Variants in BRF1 observed in about 807,000 individuals in gnomAD.
The protein encoded by BRF1 is BRF1 general transcription factor IIIB subunit, also known as transcription factor IIIB 90 kDa subunit.
Under a neutral mutation model 81.7 loss-of-function variants are expected in BRF1, and 59 were observed. The ratio of observed to expected loss-of-function variants is 0.72; its 90% CI spans 0.59 to 0.90. BRF1 has a LOEUF of 0.90. Among genes scored for constraint, BRF1 ranks in the 40% least tolerant of loss-of-function variants. The probability of loss-of-function intolerance (pLI) is 0.00; values close to 1 mark genes in which losing one functional copy is unlikely to be tolerated. For synonymous variants in BRF1, 491 were observed against 395.6 expected, an observed-to-expected ratio of 1.24 and a Z score of -2.86; for missense variants, 1,050 against 936.3, an observed-to-expected ratio of 1.12 and a Z score of -1.58.
chr14:105,256,694 A>C, intron 3 of BRF1, 145 bp from the exon 4 acceptor site: 5 of 1,366,130 alleles, frequency 3.7e-6, no homozygotes, highest in Non-Finnish European at 4.9e-6. Context: ...TCAGGAAGGA[A>C]AGGTGGTATG....
chr14:105,253,640 C>T (rs1042888347), intron 4 of BRF1, among the ~76,000 whole-genome samples: 5 of 152,240 alleles, frequency 3.3e-5, no homozygotes, highest in African/African-American at 7.2e-5. Context: ...CCAGAGGCAG[C>T]GCTTGTGGGG....
intron 1 of BRF1, among the ~76,000 whole-genome samples, chr14:105,287,329 C>T (rs1485285294): frequency 6.6e-6 from 1 of 152,234 alleles, no homozygotes; most frequent in African/African-American, 2.4e-5. Flanking sequence ...GGTTCACCAA[C>T]CCAAACGCTG....
rs1890000153 is a variant in BRF1 at position 105,210,819 on chromosome 14, C to T, written c.1997-231G>A. Among the ~76,000 whole-genome samples the T allele has an allele frequency of 6.6e-6, 1 of 152,142 alleles. No homozygotes were observed. Among genetic ancestry groups the T allele is most frequent in the African/African-American group, 2.4e-5 (1 of 41,402 alleles). On this transcript the variant is annotated intron_variant, in intron 17 of 17. Coordinates refer to ENST00000547530, the MANE Select transcript of BRF1 (RefSeq NM_001519.4). This position sits in a 1 kb window ranked among gnomAD's most constrained non-coding sequence, Gnocchi z 4.7. ...CGAGGGCACCTGAGAGCAGTGTGGG[C>T]TCCCTCAGCCTCCCTCCCTGGGTGT...
At chr14:105,226,495 G>T in intron 8 of BRF1, 139 bp downstream of exon 8, 1 of 1,504,946 alleles carries the variant, frequency 6.6e-7, no homozygotes, top group Non-Finnish European at 8.9e-7. Context: ...GGAGCCTCGG[G>T]CTCTGGCTGG....
chr14:105,228,788 T>G (rs1035645143), intron 7 of BRF1, 32 bp downstream of exon 7: 3 of 1,611,220 alleles, frequency 1.9e-6, no homozygotes, highest in Non-Finnish European at 2.5e-6. Flanking sequence ...AGCCTCTGTG[T>G]GGTCCCCATG....
intron 4 of BRF1, among the ~76,000 whole-genome samples, chr14:105,253,172 C>T (rs145091082): frequency 2.6e-4 from 40 of 152,338 alleles, no homozygotes; most frequent in African/African-American, 9.1e-4. Flanking sequence ...ATGGGAGCAC[C>T]GCTGCTTGTC....
chr14:105,307,215 A>G (rs920106101), intron 1 of BRF1, among the ~76,000 whole-genome samples: 1 of 151,722 alleles, frequency 6.6e-6, no homozygotes, highest in Admixed American at 6.6e-5. Flanking sequence ...GGCTGAGCAT[A>G]CCTTTGATAT....
At position 105,217,612 on chromosome 14, in the gene BRF1, C is replaced by A. The variant is rs1891549058; in HGVS notation, c.1704G>T (p.Arg568Ser). The A allele has an allele frequency of 5.0e-6, 8 of 1,613,444 alleles. No individual in the cohort carries two copies. Among genetic ancestry groups the A allele is most frequent in the Non-Finnish European group, 6.8e-6 (8 of 1,180,014 alleles). The change falls in exon 15 of 18, where the codon AGG becomes AGT. Residue 568 changes from arginine to serine, a missense_variant. Arg to Ser is a moderately radical substitution (Grantham distance 110). Around this residue, in one of 2 missense-constraint regions of BRF1, gnomAD observed 1,043 missense variants for 915.4 expected, o/e 1.14. Coordinates refer to ENST00000547530, the MANE Select transcript of BRF1 (RefSeq NM_001519.4). ...CCGGCGTCCTCCTTCGTGACAGCTT[C>A]CTGGCACTGGCGCTATGCTCGGGCT... ...DAQPEHSASARKLSRRRTPAS... is the reference protein window; with the variant it reads ...DAQPEHSASASKLSRRRTPAS...
intron 1 of BRF1, chr14:105,314,410 G>A (rs964099099): frequency 3.3e-4 from 50 of 150,612 alleles, no homozygotes; most frequent in African/African-American, 1.1e-3. Flanking sequence ...AGCTGGCCGG[G>A]ACCCGGTGGA....
chr14:105,216,168 CAGAG>C (rs747179019), intron 15 of BRF1, among the ~76,000 whole-genome samples: 2 of 152,168 alleles, frequency 1.3e-5, no homozygotes, highest in Non-Finnish European at 2.9e-5. Context: ...TATACACACA[CAGAG>C]AGACACACAT....
intron 1 of BRF1, among the ~76,000 whole-genome samples, chr14:105,288,203 C>T (rs895354374): frequency 1.3e-5 from 2 of 152,182 alleles, no homozygotes; most frequent in African/African-American, 4.8e-5. Context: ...GCTTGTAATC[C>T]CGGCACTTTG....
intron 5 of BRF1, chr14:105,249,047 C>T: frequency 7.8e-7 from 1 of 1,281,146 alleles, no homozygotes; most frequent in Non-Finnish European, 9.8e-7. Context: ...ACCAGGAGAG[C>T]CCCGGCTGGC....
In BRF1 at chr14:105,212,122, G is replaced by A. The variant is rs1890215795; in HGVS notation, c.1815C>T (p.Ala605=). 6.2e-7 allele frequency: 1 copy of A among 1,612,814 alleles called. No individual in the cohort carries two copies. The change falls in exon 16 of 18, where the codon GCC becomes GCT. Residue 605 remains alanine, a synonymous_variant. Transcript: ENST00000547530. The stretch of plus-strand genomic sequence containing the variant: ...GCGTGGGACAACACACCTCTCCCGT[G>A]GCCACCTTCTTTGCTGGCTGCGTAG... ...LVSTQPAKKV[A]TGEALLPSSP...
chr14:105,267,465 AT>A lies in BRF1; in HGVS notation c.439+5255del, dbSNP rs113422074. Among the ~76,000 whole-genome samples, 1,070 of 147,308 alleles carry A rather than the reference AT, an allele frequency of 7.3e-3. 7 individuals carry two copies. The highest frequency in any genetic ancestry group is 0.014 in the East Asian group (71 of 4,996). The stretch of plus-strand genomic sequence containing the variant: ...ACCACAGGTACACACCACCAGCTGG[AT>A]TTTTTTTTTTGTTTTCTTTTTCTTT... On this transcript the variant is annotated intron_variant, in intron 3 of 17. Transcript: ENST00000547530.
chr14:105,249,300 G>T, intron 5 of BRF1: 1 of 1,581,478 alleles, frequency 6.3e-7, no homozygotes, highest in Non-Finnish European at 8.6e-7. Flanking sequence ...CCCGTCCGCC[G>T]TGTGGCTGAC....
intron 3 of BRF1, among the ~76,000 whole-genome samples, chr14:105,270,228 C>T (rs1595434612): frequency 1.3e-5 from 2 of 149,092 alleles, no homozygotes; most frequent in African/African-American, 2.5e-5. Flanking sequence ...GGCTGGAGTG[C>T]AGTGGCGCGA....
chr14:105,228,673 T>C (rs2054208596), intron 7 of BRF1, 147 bp downstream of exon 7: 1 of 839,532 alleles, frequency 1.2e-6, no homozygotes, highest in East Asian at 2.4e-5. Context: ...CAAGCCATAG[T>C]GTGACCGGGG....
chr14:105,228,025 C>A (rs761400515), intron 7 of BRF1: 5 of 152,166 alleles, frequency 3.3e-5, no homozygotes, highest in Non-Finnish European at 7.3e-5. Flanking sequence ...AAATACCACC[C>A]AGCAAAGCCG....
intron 5 of BRF1, chr14:105,250,682 G>A (rs748692137): frequency 1.3e-6 from 2 of 1,598,556 alleles, no homozygotes; most frequent in East Asian, 4.5e-5. Flanking sequence ...AGGTGCCCGG[G>A]GAGGCTGCAG....
Sources: allele counts gnomAD v4.1 joint callset (sites outside exome capture counted in the v4.1 genomes callset), GRCh38; gene constraint gnomAD v4.1.1; regional missense constraint gnomAD v4.1.1; non-coding constraint Gnocchi (gnomAD v3.1); transcripts MANE v1.5; gene names NCBI Gene and HGNC (gene_info 2026-07-23, HGNC 2026-07-21).